Variants in XKR4 observed in about 807,000 individuals in gnomAD.
The protein encoded by XKR4 is XK related 4, also known as XK-related protein 4.
In XKR4, 12 loss-of-function variants were observed where a neutral mutation model predicts 53.9. The ratio of observed to expected loss-of-function variants is 0.22; its 90% CI spans 0.14 to 0.36. The LOEUF (loss-of-function observed/expected upper bound fraction) is 0.36, where lower values mean the gene tolerates loss of function less well. Among genes scored for constraint, XKR4 ranks in the 10% least tolerant of loss-of-function variants. XKR4 has a pLI of 1.00. For missense variants in XKR4, 799 were observed against 859.5 expected, an observed-to-expected ratio of 0.93 and a Z score of 0.88; for synonymous variants, 354 against 362.4, an observed-to-expected ratio of 0.98 and a Z score of 0.26.
At chr8:55,132,991 A>AC (rs879450461) in intron 1 of XKR4, among the ~76,000 whole-genome samples, 8 of 152,148 alleles carry the variant, frequency 5.3e-5, no homozygotes, top group Non-Finnish European at 1.0e-4. Context: ...CCAGTGGGTG[A>AC]CAAGTGACTA....
chr8:55,280,267 A>G (rs763866723), intron 1 of XKR4, among the ~76,000 whole-genome samples: 2 of 152,156 alleles, frequency 1.3e-5, no homozygotes, highest in Non-Finnish European at 2.9e-5. Context: ...TTGGCTCAAA[A>G]GGGAGTTTGT....
chr8:55,221,893 G>A (rs900191915), intron 1 of XKR4, among the ~76,000 whole-genome samples: 7 of 152,220 alleles, frequency 4.6e-5, no homozygotes, highest in Admixed American at 2.0e-4. Flanking sequence ...GGAAAGAGGA[G>A]GGTGAATCCA....
chr8:55,504,186 G>T (rs62516363), intron 2 of XKR4, among the ~76,000 whole-genome samples: 5 of 102,288 alleles, frequency 4.9e-5, no homozygotes, highest in South Asian at 3.9e-4. Context: ...TGTTGTTGTT[G>T]TTTTTGTTTT....
chr8:55,512,089 A>G (rs1806634817), intron 2 of XKR4, among the ~76,000 whole-genome samples: 1 of 152,156 alleles, frequency 6.6e-6, no homozygotes, highest in African/African-American at 2.4e-5. Flanking sequence ...AATCCATGAA[A>G]AATGGGTGAA....
chr8:55,322,117 A>G (rs1260483587), intron 1 of XKR4, among the ~76,000 whole-genome samples: 1 of 152,166 alleles, frequency 6.6e-6, no homozygotes, highest in Non-Finnish European at 1.5e-5. Context: ...TGTGTTCTTT[A>G]TTCTTACACC....
At chr8:55,207,633 C>CAT (rs1817668121) in intron 1 of XKR4, among the ~76,000 whole-genome samples, 6 of 3,580 alleles carry the variant, frequency 1.7e-3, no homozygotes, top group East Asian at 7.8e-3. Context: ...CACACATGCG[C>CAT]GCGCACACAC....
intron 1 of XKR4, among the ~76,000 whole-genome samples, chr8:55,197,424 T>C (rs1817518958): frequency 6.6e-6 from 1 of 152,140 alleles, no homozygotes; most frequent in Admixed American, 6.5e-5. Context: ...GGACAAAAAG[T>C]ATTCACTTTG....
rs116916198 is a variant in XKR4, at chr8:55,522,794, A to G, written c.1007-487A>G. Among the ~76,000 whole-genome samples, 420 of 152,266 alleles carry G rather than the reference A, an allele frequency of 2.8e-3. 3 individuals are homozygous for G. Among genetic ancestry groups the G allele is most frequent in the Non-Finnish European group, 4.8e-3 (325 of 68,006 alleles). Reference sequence around the variant, plus strand: ...TTACCTCCTTAGTCCATTTACACCAAATACAGAAAGTTAAACTCCATCCCA... The same window carrying G: ...TTACCTCCTTAGTCCATTTACACCAGATACAGAAAGTTAAACTCCATCCCA... On this transcript the variant is annotated intron_variant, in intron 2 of 2. Transcript: ENST00000327381.
chr8:55,416,791 G>C (rs780003610), intron 2 of XKR4, among the ~76,000 whole-genome samples: 4 of 152,108 alleles, frequency 2.6e-5, no homozygotes, highest in Non-Finnish European at 5.9e-5. Flanking sequence ...ATACCACAGC[G>C]ATTCTCTATG....
chr8:55,205,714 G>C (rs561021838), intron 1 of XKR4, among the ~76,000 whole-genome samples: 4 of 152,114 alleles, frequency 2.6e-5, no homozygotes, highest in Non-Finnish European at 5.9e-5. Context: ...ATTAGATGTG[G>C]GAATTCAAGT....
intron 1 of XKR4, among the ~76,000 whole-genome samples, chr8:55,357,318 C>T (rs531698493): frequency 3.3e-5 from 5 of 152,170 alleles, no homozygotes; most frequent in Middle Eastern, 3.4e-3. Flanking sequence ...AGGAGAAATC[C>T]CCTCATGAAC....
intron 2 of XKR4, among the ~76,000 whole-genome samples, chr8:55,445,799 G>T (rs778877775): frequency 6.6e-6 from 1 of 152,140 alleles, no homozygotes; most frequent in African/African-American, 2.4e-5. Context: ...TAAGAGTAAC[G>T]GTTACCACAG....
At chr8:55,141,385 A>C (rs1816699315) in intron 1 of XKR4, among the ~76,000 whole-genome samples, 1 of 151,962 alleles carries the variant, frequency 6.6e-6, no homozygotes, top group Non-Finnish European at 1.5e-5. Flanking sequence ...TGTGGGCCAC[A>C]GTGGGGAGGT....
intron 2 of XKR4, among the ~76,000 whole-genome samples, chr8:55,419,149 C>G (rs1804891059): frequency 6.6e-6 from 1 of 152,136 alleles, no homozygotes; most frequent in South Asian, 2.1e-4. Context: ...CTTTGGGAGG[C>G]TCAGGCAGGT....
chr8:55,110,121 T>C (rs1261853671), intron 1 of XKR4, among the ~76,000 whole-genome samples: 1 of 152,206 alleles, frequency 6.6e-6, no homozygotes. Flanking sequence ...TTCTTATGCA[T>C]TTTCACATAA....
At chr8:55,167,055 A>G (rs1486352567) in intron 1 of XKR4, among the ~76,000 whole-genome samples, 1 of 152,200 alleles carries the variant, frequency 6.6e-6, no homozygotes, top group African/African-American at 2.4e-5. Context: ...AGGTGACCTA[A>G]TTCTGGATAT....
intron 2 of XKR4, among the ~76,000 whole-genome samples, chr8:55,419,654 TC>T (rs1211189735): frequency 6.6e-6 from 1 of 152,200 alleles, no homozygotes; most frequent in Non-Finnish European, 1.5e-5. Flanking sequence ...CTAGTTAGGG[TC>T]CTGCTACTTA....
intron 1 of XKR4, among the ~76,000 whole-genome samples, chr8:55,356,153 A>G (rs1441609887): frequency 6.6e-6 from 1 of 152,222 alleles, no homozygotes; most frequent in Non-Finnish European, 1.5e-5. Flanking sequence ...TCTAACAAGT[A>G]AGTAAAGAAG....
rs1807058014 is a variant in XKR4 at position 55,538,257 on chromosome 8, T to C, written c.*14030T>C. The C allele has an allele frequency of 6.6e-6, 1 of 152,198 alleles. No homozygotes were observed. Among genetic ancestry groups the C allele is most frequent in the African/African-American group, 2.4e-5 (1 of 41,440 alleles). 9.4% of individuals were successfully genotyped at this position (152,198 alleles called of 1,614,324 possible). The stretch of plus-strand genomic sequence containing the variant: ...TCAGAAACTCACCCTCAGCCTCATT[T>C]TCCCCATATGCAAAAGAGAGATATT... On this transcript the variant is annotated 3_prime_UTR_variant, in exon 3 of 3. Transcript: ENST00000327381.
Sources: allele counts gnomAD v4.1 joint callset (sites outside exome capture counted in the v4.1 genomes callset), GRCh38; gene constraint gnomAD v4.1.1; transcripts MANE v1.5; gene names NCBI Gene and HGNC (gene_info 2026-07-23, HGNC 2026-07-21).